The following DCLRE1C variants were observed in gnomAD, a reference collection of about 807,000 sequenced individuals.
DCLRE1C encodes DNA cross-link repair 1C, also known as protein artemis.
A neutral mutation model predicts 61.4 loss-of-function variants in DCLRE1C; 47 were observed. The ratio of observed to expected loss-of-function variants is 0.77; its 90% confidence interval spans 0.61 to 0.98. The LOEUF (loss-of-function observed/expected upper bound fraction) is 0.98, where lower values mean the gene tolerates loss of function less well. Ranked by LOEUF, DCLRE1C falls within the 50% of genes least tolerant of loss-of-function variation. The probability of loss-of-function intolerance (pLI) is 0.00; values close to 1 mark genes in which losing one functional copy is unlikely to be tolerated. For missense variants in DCLRE1C, 858 were observed against 816.0 expected, an observed-to-expected ratio of 1.05 and a Z score of -0.63; for synonymous variants, 337 against 287.6, an observed-to-expected ratio of 1.17 and a Z score of -1.74.
In DCLRE1C at chr10:14,908,535, A is replaced by G. The variant is rs144641461; in HGVS notation, c.1952T>C (p.Phe651Ser). 2.0e-5 allele frequency: 32 copies of G among 1,614,012 alleles called. No individual in the cohort carries two copies. The African/African-American group carries it at 2.8e-4, about 14-fold the overall frequency. Reference sequence around the variant, plus strand: ...AGCTTCTGGAGTTGAGGGAACTTCAAAATCAGAAGAGCTCTGGGAATCTGC... The same window carrying G: ...AGCTTCTGGAGTTGAGGGAACTTCAGAATCAGAAGAGCTCTGGGAATCTGC... ...TNADSQSSSDFEVPSTPEAEL... is the reference protein window; with the variant it reads ...TNADSQSSSDSEVPSTPEAEL... Residue 651 changes from phenylalanine (F) to serine (S), a missense_variant, in exon 14 of 14, where the codon TTT (phenylalanine) becomes TCT (serine). This residue lies in a region of DCLRE1C where 843 missense variants were observed against 783.5 expected (regional missense o/e 1.08). Coordinates refer to ENST00000378278, the MANE Select transcript of DCLRE1C (RefSeq NM_001033855.3).
At chr10:14,925,164 T>C (rs1373604583) in intron 11 of DCLRE1C, among the ~76,000 whole-genome samples, 1 of 151,028 alleles carries the variant, frequency 6.6e-6, no homozygotes, top group African/African-American at 2.4e-5. Flanking sequence ...CCAACACCGA[T>C]TTGATTTGCA....
intron 12 of DCLRE1C, among the ~76,000 whole-genome samples, chr10:14,922,034 T>C (rs902974817): frequency 6.6e-6 from 1 of 152,242 alleles, no homozygotes; most frequent in African/African-American, 2.4e-5. Context: ...ATTGAGCTTG[T>C]GTGCTGCCTT....
intron 13 of DCLRE1C, among the ~76,000 whole-genome samples, chr10:14,914,478 T>A (rs1053513172): frequency 6.6e-6 from 1 of 152,220 alleles, no homozygotes; most frequent in African/African-American, 2.4e-5. Flanking sequence ...AACAAGAATG[T>A]AGAAGACCTG....
At chr10:14,925,819 G>A (rs899325960) in intron 11 of DCLRE1C, among the ~76,000 whole-genome samples, 1 of 152,150 alleles carries the variant, frequency 6.6e-6, no homozygotes, top group Non-Finnish European at 1.5e-5. Flanking sequence ...ATGGCAAAAA[G>A]GAAACTTTCG....
At position 14,909,045 on chromosome 10, in the gene DCLRE1C, T is replaced by G; in HGVS notation, c.1442A>C (p.Lys481Thr). The G allele has an allele frequency of 6.2e-7, 1 of 1,614,152 alleles. No homozygotes were observed. Among genetic ancestry groups the G allele is most frequent in the Admixed American group, 1.7e-5 (1 of 60,026 alleles). The change falls in exon 14 of 14, where the codon AAG becomes ACG. Residue 481 changes from lysine (K) to threonine (T), a missense_variant. Around this residue, in one of 2 missense-constraint regions of DCLRE1C, gnomAD observed 843 missense variants for 783.5 expected, o/e 1.08. Transcript: ENST00000378278. ...CCACTGGGGTACATCCCCATCAGCC[T>G]TTTGCAGGTGAAGTACAGAGCCCAG... Reference protein sequence around the residue: ...GDLGSVLHLQKADGDVPQWEV... With the variant: ...GDLGSVLHLQTADGDVPQWEV...
chr10:14,936,508 A>C (rs1839947493), intron 5 of DCLRE1C, 30 bp downstream of exon 5: 2 of 1,586,276 alleles, frequency 1.3e-6, no homozygotes. Context: ...TCTACATATA[A>C]TAAAATGACA....
chr10:14,902,638 A>G, downstream of DCLRE1C: 2 of 651,738 alleles, frequency 3.1e-6, no homozygotes, highest in Non-Finnish European at 5.0e-6. Flanking sequence ...TCATGTTTCA[A>G]GACATTTGCC....
At chr10:14,915,676 C>G (rs1836064539) in intron 13 of DCLRE1C, among the ~76,000 whole-genome samples, 1 of 151,500 alleles carries the variant, frequency 6.6e-6, no homozygotes, top group South Asian at 2.1e-4. Flanking sequence ...AAACTCCTTT[C>G]CCACCCAGAT....
chr10:14,909,871 T>G (rs1326444286), intron 13 of DCLRE1C, among the ~76,000 whole-genome samples: 1 of 152,232 alleles, frequency 6.6e-6, no homozygotes, highest in Non-Finnish European at 1.5e-5. Context: ...AAATCAACTT[T>G]AAAGCAAAAT....
intron 4 of DCLRE1C, among the ~76,000 whole-genome samples, chr10:14,938,735 A>G (rs755039971): frequency 6.6e-6 from 1 of 152,242 alleles, no homozygotes; most frequent in Non-Finnish European, 1.5e-5. Flanking sequence ...GAAAAAAAGT[A>G]CAATATTCAT....
At position 14,906,526 on chromosome 10, in the gene DCLRE1C, G is replaced by A. The variant is rs1379395024; in HGVS notation, c.*1882C>T. Among the ~76,000 whole-genome samples, 1 of 152,206 alleles carries A rather than the reference G, an allele frequency of 6.6e-6. No homozygotes were observed. The highest frequency in any genetic ancestry group is 1.5e-5 in the Non-Finnish European group (1 of 68,036). ...ACCACTTTCGATCATAAGGTACACT[G>A]TTAAAACTAAGTTTTAGTTAACAGT... On this transcript the variant is annotated 3_prime_UTR_variant, in exon 14 of 14. Coordinates refer to ENST00000378278, the MANE Select transcript of DCLRE1C (RefSeq NM_001033855.3).
rs778436401 is a variant in DCLRE1C at position 14,934,758 on chromosome 10, C to A, written c.482G>T (p.Ser161Ile). 6.2e-7 allele frequency: 1 copy of A among 1,612,420 alleles called. No individual in the cohort carries two copies. The highest frequency in any genetic ancestry group is 1.1e-5 in the South Asian group (1 of 91,044). ...ACAGAACGTAGTATCCAAATATACA[C>A]TTTGGATGTCTTTGACTCTGAAAAG... Reference protein sequence around the residue: ...HSGGRVKDIQSVYLDTTFCDP... With the variant: ...HSGGRVKDIQIVYLDTTFCDP... Residue 161 changes from serine (S) to isoleucine (I), a missense_variant, in exon 7 of 14, where the codon AGT becomes ATT. Transcript: ENST00000378278.
intron 3 of DCLRE1C, among the ~76,000 whole-genome samples, chr10:14,943,330 C>A (rs1841179368): frequency 6.6e-6 from 1 of 152,072 alleles, no homozygotes. Flanking sequence ...CACATACGTC[C>A]ATATGACCCA....
intron 13 of DCLRE1C, among the ~76,000 whole-genome samples, chr10:14,918,911 C>T (rs1022379039): frequency 6.6e-6 from 1 of 152,186 alleles, no homozygotes; most frequent in African/African-American, 2.4e-5. Flanking sequence ...TCACTTACTT[C>T]TTGCTAGTCC....
rs1165126470 is a variant in DCLRE1C, at chr10:14,944,673, CTTTTTTTTTTTTTT to C, written c.246+418_246+431del. ...TGCCAACAGACTTAATTTTTTTTTT[CTTTTTTTTTTTTTT>C]TTTTTTAGATGGAGTCCCACTCTGT... On this transcript the variant is annotated intron_variant, in intron 3 of 13. Coordinates refer to ENST00000378278, the MANE Select transcript of DCLRE1C (RefSeq NM_001033855.3). 5.9e-5 allele frequency among the ~76,000 whole-genome samples: 7 copies of C among 117,740 alleles called. No individual in the cohort carries two copies. In the South Asian group the frequency reaches 1.4e-3, roughly 23 times the overall value. 77.2% of individuals were successfully genotyped at this position (117,740 alleles called of 152,430 possible).
At chr10:14,924,724 G>A (rs769445098) in intron 11 of DCLRE1C, among the ~76,000 whole-genome samples, 56 of 151,982 alleles carry the variant, frequency 3.7e-4, no homozygotes, top group Admixed American at 8.5e-4. Context: ...CGTGGGCGCC[G>A]TAGTCCCAGC....
chr10:14,914,470 CAAGAATGTAG>C lies in DCLRE1C; in HGVS notation c.1157-5150_1157-5141del, dbSNP rs1261933489. On this transcript the variant is annotated intron_variant, in intron 13 of 13. Transcript: ENST00000378278. The stretch of plus-strand genomic sequence containing the variant: ...CCCTCTCTGGCAATAATTGATAGAA[CAAGAATGTAG>C]AAGACCTGAACAACATTGTCAACTA... 3.9e-5 allele frequency among the ~76,000 whole-genome samples: 6 copies of C among 152,274 alleles called. No individual in the cohort carries two copies. In the East Asian group the frequency reaches 1.2e-3, roughly 29 times the overall value.
chr10:14,914,174 AC>A (rs773999900), intron 13 of DCLRE1C, among the ~76,000 whole-genome samples: 1 of 152,242 alleles, frequency 6.6e-6, no homozygotes, highest in Non-Finnish European at 1.5e-5. Flanking sequence ...AAATATAAAG[AC>A]TAGTTAAAAA....
chr10:14,931,939 C>G (rs1368506502), intron 9 of DCLRE1C, among the ~76,000 whole-genome samples: 1 of 152,176 alleles, frequency 6.6e-6, no homozygotes, highest in Non-Finnish European at 1.5e-5. Flanking sequence ...GAGGCTGAGG[C>G]AGGAGAATCG....
Sources: allele counts gnomAD v4.1 joint callset (sites outside exome capture counted in the v4.1 genomes callset), GRCh38; gene constraint gnomAD v4.1.1; regional missense constraint gnomAD v4.1.1; transcripts MANE v1.5; gene names NCBI Gene and HGNC (gene_info 2026-07-23, HGNC 2026-07-21).